The following TSPAN18 variants were observed in gnomAD, a reference collection of about 807,000 sequenced individuals.
TSPAN18 encodes tetraspanin-18.
Under a neutral mutation model 27.3 loss-of-function variants are expected in TSPAN18, and 14 were observed. That is an observed-to-expected ratio of 0.51 (90% CI 0.34 to 0.80). TSPAN18 has a LOEUF of 0.80. Among genes scored for constraint, TSPAN18 ranks in the 30% least tolerant of loss-of-function variants. The probability of loss-of-function intolerance (pLI) is 0.01; values close to 1 mark genes in which losing one functional copy is unlikely to be tolerated. For missense variants in TSPAN18, 268 were observed against 323.9 expected (o/e 0.83, Z 1.32); for synonymous variants, 143 against 136.5 (o/e 1.05, Z -0.33).
At chr11:44,834,132 C>CT (rs1198996801) in intron 2 of TSPAN18, among the ~76,000 whole-genome samples, 1 of 151,822 alleles carries the variant, frequency 6.6e-6, no homozygotes, top group African/African-American at 2.4e-5. Flanking sequence ...AAAGAAGGGG[C>CT]TTTTTAGGAT....
At chr11:44,752,816 A>G (rs2134860276) in intron 1 of TSPAN18, among the ~76,000 whole-genome samples, 1 of 152,350 alleles carries the variant, frequency 6.6e-6, no homozygotes, top group East Asian at 1.9e-4. Context: ...GATTGGATAT[A>G]AAACTGGTTA....
chr11:44,783,830 T>C (rs1446698044), intron 2 of TSPAN18, among the ~76,000 whole-genome samples: 2 of 152,186 alleles, frequency 1.3e-5, no homozygotes, highest in Non-Finnish European at 2.9e-5. Flanking sequence ...CCCTCAAGGC[T>C]CTAAACTCTT....
chr11:44,923,229 T>C (rs1338228983), intron 8 of TSPAN18, among the ~76,000 whole-genome samples: 1 of 152,094 alleles, frequency 6.6e-6, no homozygotes, highest in African/African-American at 2.4e-5. Flanking sequence ...AAGCATTGCG[T>C]GTGGGTGACC....
chr11:44,749,632 CTTTTTTTTTTT>C (rs71894571), intron 1 of TSPAN18, among the ~76,000 whole-genome samples: 1 of 110,448 alleles, frequency 9.1e-6, no homozygotes, highest in African/African-American at 3.8e-5. Flanking sequence ...GTGGAACTTT[CTTTTTTTTTTT>C]TTTTTTTTTT....
At chr11:44,770,959 T>G (rs1452560162) in intron 2 of TSPAN18, among the ~76,000 whole-genome samples, 3 of 152,116 alleles carry the variant, frequency 2.0e-5, no homozygotes, top group Non-Finnish European at 4.4e-5. Flanking sequence ...CTCAGGCATT[T>G]TAAGTTGAGA....
intron 2 of TSPAN18, among the ~76,000 whole-genome samples, chr11:44,765,069 T>C (rs759039008): frequency 6.6e-5 from 10 of 152,212 alleles, no homozygotes; most frequent in Non-Finnish European, 1.5e-4. Flanking sequence ...ACCATGATTC[T>C]GGGACTGGTG....
intron 2 of TSPAN18, among the ~76,000 whole-genome samples, chr11:44,853,764 C>G (rs1857660516): frequency 6.6e-6 from 1 of 152,278 alleles, no homozygotes; most frequent in African/African-American, 2.4e-5. Context: ...CAAGAGGAAG[C>G]ACTGAGAGGA....
chr11:44,828,521 G>T (rs1054828022), intron 2 of TSPAN18, among the ~76,000 whole-genome samples: 3 of 152,116 alleles, frequency 2.0e-5, no homozygotes, highest in Non-Finnish European at 4.4e-5. Flanking sequence ...ACTGCGGCAG[G>T]GGCCCCGGAA....
chr11:44,841,720 G>A (rs986216006), intron 2 of TSPAN18, among the ~76,000 whole-genome samples: 6 of 152,174 alleles, frequency 3.9e-5, no homozygotes, highest in Admixed American at 3.3e-4. Flanking sequence ...ATGTGCAAAG[G>A]CCCTGGGACA....
In TSPAN18 at chr11:44,894,500, T is replaced by G. The variant is rs16938122; in HGVS notation, c.-10-11907T>G. ...GGGGAGTGAAAGTAAAAGGAGTGATTTATGAACTGAGCTGTTCTTCTTAAT... is the reference window on the plus strand; with the variant it reads ...GGGGAGTGAAAGTAAAAGGAGTGATGTATGAACTGAGCTGTTCTTCTTAAT... On this transcript the variant is annotated intron_variant, in intron 3 of 9. Transcript: ENST00000520358. Among the ~76,000 whole-genome samples the G allele has an allele frequency of 5.8e-3, 887 of 152,280 alleles. 7 individuals are homozygous for G. Among genetic ancestry groups the G allele is most frequent in the African/African-American group, 0.02 (816 of 41,558 alleles).
intron 2 of TSPAN18, among the ~76,000 whole-genome samples, chr11:44,850,815 T>G (rs920197756): frequency 6.6e-6 from 1 of 152,092 alleles, no homozygotes; most frequent in African/African-American, 2.4e-5. Context: ...CCAGCTGGCC[T>G]TATCCCAGGT....
rs568043346 is a variant in TSPAN18, at chr11:44,843,667, C to T, written c.-152-16661C>T. On this transcript the variant is annotated intron_variant, in intron 2 of 9. Coordinates refer to ENST00000520358, the MANE Select transcript of TSPAN18 (RefSeq NM_130783.5). ...TCCACCATAAGAGACAGGTACACGC[C>T]GGGGGGGCCAGTTCAGAGACCTACC... Among the ~76,000 whole-genome samples, 53 of 152,104 alleles carry T rather than the reference C, an allele frequency of 3.5e-4. 2 individuals are homozygous for T. In the South Asian group the frequency reaches 9.6e-3, roughly 27 times the overall value.
At chr11:44,894,986 T>A (rs1334640611) in intron 3 of TSPAN18, among the ~76,000 whole-genome samples, 1 of 152,328 alleles carries the variant, frequency 6.6e-6, no homozygotes, top group Non-Finnish European at 1.5e-5. Context: ...ACGAGTTAGT[T>A]ACCCTGCCCA....
chr11:44,749,366 T>G (rs966501540), intron 1 of TSPAN18, among the ~76,000 whole-genome samples: 1 of 152,210 alleles, frequency 6.6e-6, no homozygotes, highest in Non-Finnish European at 1.5e-5. Context: ...ATGTCAGCTC[T>G]TTTTGTGGTT....
chr11:44,902,588 G>T (rs1488943082), intron 3 of TSPAN18, among the ~76,000 whole-genome samples: 1 of 152,202 alleles, frequency 6.6e-6, no homozygotes, highest in African/African-American at 2.4e-5. Context: ...AGAGATGCTG[G>T]CCAGACAGCA....
intron 3 of TSPAN18, among the ~76,000 whole-genome samples, chr11:44,876,165 C>G (rs922531037): frequency 3.3e-5 from 5 of 152,184 alleles, no homozygotes; most frequent in African/African-American, 1.2e-4. Context: ...TTTTCTGTTC[C>G]TTATCCCATA....
At chr11:44,923,846 T>C (rs1860239820) in intron 8 of TSPAN18, among the ~76,000 whole-genome samples, 1 of 152,104 alleles carries the variant, frequency 6.6e-6, no homozygotes. Context: ...CCCAGGGGTG[T>C]CTCTGTTCCT....
intron 1 of TSPAN18, among the ~76,000 whole-genome samples, chr11:44,738,609 C>T (rs990276458): frequency 7.2e-5 from 11 of 152,306 alleles, no homozygotes; most frequent in East Asian, 3.9e-4. Context: ...CCTTGGCTTG[C>T]GGATGGCCAC....
intron 1 of TSPAN18, among the ~76,000 whole-genome samples, chr11:44,731,729 A>C (rs1854666163): frequency 6.6e-6 from 1 of 151,390 alleles, no homozygotes; most frequent in Non-Finnish European, 1.5e-5. Flanking sequence ...TCTCTGCCTC[A>C]TTGAGGGACT....
Sources: gnomAD v4.1 joint callset for allele counts (sites outside exome capture counted in the v4.1 genomes callset) on GRCh38, gnomAD v4.1.1 for gene constraint, MANE v1.5 for transcripts, NCBI Gene and HGNC (gene_info 2026-07-23, HGNC 2026-07-21) for gene names.